Variants in SEC24B observed in about 807,000 individuals in gnomAD.
SEC24B encodes protein transport protein Sec24B.
A neutral mutation model predicts 142.8 loss-of-function variants in SEC24B; 45 were observed. The ratio of observed to expected loss-of-function variants is 0.32; its 90% confidence interval spans 0.25 to 0.40. The LOEUF is 0.40. Among genes scored for constraint, SEC24B ranks in the 10% least tolerant of loss-of-function variants. The pLI is 1.00. For synonymous variants in SEC24B, 574 were observed against 568.2 expected (o/e 1.01, Z -0.15); for missense variants, 1,409 against 1,526.8 (o/e 0.92, Z 1.29).
chr4:109,509,364 A>G (rs1477148215), intron 7 of SEC24B, among the ~76,000 whole-genome samples: 2 of 152,084 alleles, frequency 1.3e-5, no homozygotes, highest in South Asian at 2.1e-4. Flanking sequence ...TTCTTTGTTT[A>G]TTGACTTTAA....
At chr4:109,475,783 A>C (rs370400329) in intron 3 of SEC24B, among the ~76,000 whole-genome samples, 2 of 152,162 alleles carry the variant, frequency 1.3e-5, no homozygotes, top group South Asian at 4.1e-4. Flanking sequence ...TCATTTTTCT[A>C]TTTGATGGCA....
intron 1 of SEC24B, among the ~76,000 whole-genome samples, chr4:109,436,580 G>A (rs1260427352): frequency 2.0e-5 from 3 of 152,338 alleles, no homozygotes; most frequent in Admixed American, 1.3e-4. Flanking sequence ...CTGAGTGATA[G>A]GAGTGTCGCT....
chr4:109,455,059 C>A (rs1324970257), intron 1 of SEC24B, among the ~76,000 whole-genome samples: 1 of 152,170 alleles, frequency 6.6e-6, no homozygotes, highest in Non-Finnish European at 1.5e-5. Context: ...ATCTTTGGGT[C>A]TACACGTTAA....
In SEC24B at chr4:109,494,742, T is replaced by G; in HGVS notation, c.1374T>G (p.Pro458=). 6.2e-7 allele frequency: 1 copy of G among 1,614,230 alleles called. No individual in the cohort carries two copies. The highest frequency in any genetic ancestry group is 8.5e-7 in the Non-Finnish European group (1 of 1,180,046). Residue 458 remains proline, a synonymous_variant, in exon 6 of 24, where the codon CCT becomes CCG. Coordinates refer to ENST00000265175, the MANE Select transcript of SEC24B (RefSeq NM_006323.5). The part of the protein sequence containing the change: ...VVPQPSKMAK[P]FGYGYPTLQP... ...CTCAGCCTTCAAAAATGGCTAAGCC[T>G]TTTGGCTATGGCTATCCAACACTTC...
At chr4:109,539,199 T>C (rs1184990330) in intron 23 of SEC24B, among the ~76,000 whole-genome samples, 1 of 151,960 alleles carries the variant, frequency 6.6e-6, no homozygotes, top group African/African-American at 2.4e-5. Flanking sequence ...TCACCTCAGG[T>C]GATCCACCCA....
At chr4:109,514,926 A>G (rs1166410381) in intron 10 of SEC24B, among the ~76,000 whole-genome samples, 1 of 152,152 alleles carries the variant, frequency 6.6e-6, no homozygotes, top group Non-Finnish European at 1.5e-5. Flanking sequence ...TAACTGTAAT[A>G]AACTTTATCT....
At chr4:109,519,667 T>G (rs941290991) in intron 11 of SEC24B, among the ~76,000 whole-genome samples, 1 of 152,230 alleles carries the variant, frequency 6.6e-6, no homozygotes, top group East Asian at 1.9e-4. Context: ...AAGCTGAACA[T>G]CCACATAACT....
chr4:109,524,749 G>T lies in SEC24B; in HGVS notation c.2509-69G>T. ...TAGGGAGGCAGAGGATATCCTTTTT[G>T]TTATAAAAATGACATGAAAATATGA... On this transcript the variant is annotated intron_variant, in intron 14 of 23. Transcript: ENST00000265175. 2.8e-6 allele frequency: 4 copies of T among 1,454,028 alleles called. No homozygotes were observed. In the Admixed American group the frequency reaches 6.3e-5, roughly 23 times the overall value. The allele number at this position is 1,454,028 out of a possible 1,614,324, so 90.1% of individuals were successfully genotyped here.
chr4:109,499,476 GA>G (rs902512746), intron 6 of SEC24B, among the ~76,000 whole-genome samples: 9 of 147,074 alleles, frequency 6.1e-5, no homozygotes, highest in Admixed American at 2.0e-4. Flanking sequence ...TGTGACAAAA[GA>G]AAAAAAAAAT....
chr4:109,462,873 A>G (rs1332200637), intron 1 of SEC24B, 28 bp from the exon 2 acceptor site: 1 of 1,465,464 alleles, frequency 6.8e-7, no homozygotes, highest in East Asian at 2.3e-5. Context: ...ATCTCTTTAC[A>G]AATACCTGTA....
intron 17 of SEC24B, 45 bp downstream of exon 17, chr4:109,526,444 C>A: frequency 6.9e-7 from 1 of 1,454,308 alleles, no homozygotes. Context: ...AGTAATTCCT[C>A]CCTCCTTTCA....
chr4:109,452,054 T>C (rs757305981), intron 1 of SEC24B, among the ~76,000 whole-genome samples: 19 of 151,252 alleles, frequency 1.3e-4, no homozygotes, highest in Non-Finnish European at 2.5e-4. Flanking sequence ...TGCAGTACCA[T>C]CTGGAACAGT....
At chr4:109,505,691 T>G (rs761300836) in intron 6 of SEC24B, among the ~76,000 whole-genome samples, 2 of 152,164 alleles carry the variant, frequency 1.3e-5, no homozygotes, top group South Asian at 4.1e-4. Flanking sequence ...CCAAGATTCC[T>G]TTTTAGACAA....
At position 109,433,932 on chromosome 4, in the gene SEC24B, C is replaced by T; in HGVS notation, c.63C>T (p.Gly21=). The T allele has an allele frequency of 1.6e-6, 2 of 1,288,988 alleles. No homozygotes were observed. The highest frequency in any genetic ancestry group is 3.1e-5 in the African/African-American group (2 of 64,356). The allele number at this position is 1,288,988 out of a possible 1,614,324, so 79.8% of individuals were successfully genotyped here. Residue 21 remains glycine, a synonymous_variant, in exon 1 of 24, where the codon GGC becomes GGT. Coordinates refer to ENST00000265175, the MANE Select transcript of SEC24B (RefSeq NM_006323.5). ...AASARIPPKF[G]GAAVSGAAAP... is the part of the protein sequence containing the mutation. Reference sequence around the variant, plus strand: ...GCGCCCGGATCCCGCCCAAGTTCGGCGGAGCGGCCGTCTCAGGAGCCGCAG... The same window carrying T: ...GCGCCCGGATCCCGCCCAAGTTCGGTGGAGCGGCCGTCTCAGGAGCCGCAG...
chr4:109,517,829 C>T (rs909718028), intron 11 of SEC24B, among the ~76,000 whole-genome samples: 8 of 152,160 alleles, frequency 5.3e-5, no homozygotes, highest in Non-Finnish European at 1.0e-4. Flanking sequence ...GAATTTTTTC[C>T]ATAAACTTGT....
At chr4:109,515,863 ACC>A (rs199690955) in intron 10 of SEC24B, among the ~76,000 whole-genome samples, 1 of 138,390 alleles carries the variant, frequency 7.2e-6, no homozygotes, top group African/African-American at 2.5e-5. Flanking sequence ...AACATAGTGA[ACC>A]CCCCCCCACC....
chr4:109,448,765 C>T (rs898103401), intron 1 of SEC24B, among the ~76,000 whole-genome samples: 1 of 152,112 alleles, frequency 6.6e-6, no homozygotes. Flanking sequence ...TTTATCAAAA[C>T]CAGGAAATTA....
intron 3 of SEC24B, among the ~76,000 whole-genome samples, chr4:109,477,616 GT>G (rs1733313283): frequency 1.3e-5 from 2 of 152,062 alleles, no homozygotes; most frequent in Admixed American, 1.3e-4. Flanking sequence ...GTGAGCCACT[GT>G]GCCTGGCTAC....
Position 109,512,016 on chromosome 4 carries a change from T to G in SEC24B, c.1836T>G (p.Ile612Met), listed in dbSNP as rs1049616221. ...IVRCRSCRTYINPFVSFIDQR... is the reference protein window; with the variant it reads ...IVRCRSCRTYMNPFVSFIDQR... Reference sequence around the variant, plus strand: ...GGTGCCGATCCTGTCGAACGTATATTAACCCCTTTGTATCCTTCATTGATC... The same window carrying G: ...GGTGCCGATCCTGTCGAACGTATATGAACCCCTTTGTATCCTTCATTGATC... Residue 612 changes from isoleucine (I) to methionine (M), a missense_variant, in exon 9 of 24, where the codon ATT becomes ATG. This residue lies in a region of SEC24B where 700 missense variants were observed against 853.3 expected (regional missense o/e 0.82). Transcript: ENST00000265175. The G allele has an allele frequency of 4.3e-6, 7 of 1,613,120 alleles. No homozygotes were observed. The highest frequency in any genetic ancestry group is 5.9e-6 in the Non-Finnish European group (7 of 1,179,192).
Sources: allele counts gnomAD v4.1 joint callset (sites outside exome capture counted in the v4.1 genomes callset), GRCh38; gene constraint gnomAD v4.1.1; regional missense constraint gnomAD v4.1.1; transcripts MANE v1.5; gene names NCBI Gene and HGNC (gene_info 2026-07-23, HGNC 2026-07-21).